Variants in BRD9 observed in about 807,000 individuals in gnomAD.
BRD9 encodes the protein bromodomain-containing protein 9.
BRD9 carries 47 observed loss-of-function variants against 68.7 expected under a neutral mutation model. That is an observed-to-expected ratio of 0.68 (90% CI 0.54 to 0.87). The LOEUF is 0.87. Among genes scored for constraint, BRD9 ranks in the 40% least tolerant of loss-of-function variants. BRD9 has a pLI of 0.00. For missense variants in BRD9, 670 were observed against 748.4 expected (o/e 0.90, Z 1.22); for synonymous variants, 313 against 293.9 (o/e 1.06, Z -0.67).
At chr5:871,283 C>A (rs1297964261) in intron 13 of BRD9, among the ~76,000 whole-genome samples, 2 of 152,248 alleles carry the variant, frequency 1.3e-5, no homozygotes, top group Non-Finnish European at 2.9e-5. Context: ...ACAAGGACAG[C>A]ACCCAGCGGG....
intron 7 of BRD9, 136 bp downstream of exon 7, chr5:886,456 G>C (rs1483636067): frequency 4.3e-6 from 4 of 920,882 alleles, no homozygotes; most frequent in Non-Finnish European, 6.6e-6. Flanking sequence ...CCTCCTGCCA[G>C]AATAAGCTAC....
At chr5:864,615 A>G in intron 15 of BRD9, 47 bp from the exon 16 acceptor site, 14 of 1,544,092 alleles carry the variant, frequency 9.1e-6, no homozygotes, top group Non-Finnish European at 1.2e-5. Flanking sequence ...ACAGACCCGC[A>G]GCACACGTGG....
intron 11 of BRD9, among the ~76,000 whole-genome samples, chr5:876,851 G>A (rs73733917): frequency 0.037 from 5,635 of 152,262 alleles, 332 homozygotes; most frequent in African/African-American, 0.13. Context: ...GGAGGCAACA[G>A]GGAGACTCCG....
At chr5:872,201 T>C (rs942986662) in intron 12 of BRD9, among the ~76,000 whole-genome samples, 2 of 152,394 alleles carry the variant, frequency 1.3e-5, no homozygotes, top group Non-Finnish European at 2.9e-5. Context: ...ATATGCACTC[T>C]ATCATGTGTG....
intron 12 of BRD9, among the ~76,000 whole-genome samples, chr5:874,894 G>A (rs1328398316): frequency 1.3e-5 from 2 of 152,208 alleles, no homozygotes; most frequent in Non-Finnish European, 2.9e-5. Flanking sequence ...GAGATAACAC[G>A]AGCTGTCCTC....
intron 10 of BRD9, 153 bp from the exon 11 acceptor site, chr5:878,640 G>C (rs1329703093): frequency 5.7e-6 from 6 of 1,043,898 alleles, no homozygotes; most frequent in African/African-American, 4.7e-5. Context: ...TCACTCCTGA[G>C]TTTTCCATGT....
chr5:880,848 C>T (rs1314725735), intron 9 of BRD9, among the ~76,000 whole-genome samples: 2 of 152,258 alleles, frequency 1.3e-5, no homozygotes, highest in African/African-American at 4.8e-5. Flanking sequence ...CTCTCGGCAG[C>T]TTTTCAGGAA....
At chr5:891,488 G>C in intron 2 of BRD9, 152 bp downstream of exon 2, 1 of 1,341,934 alleles carries the variant, frequency 7.5e-7, no homozygotes, top group Non-Finnish European at 9.9e-7. Context: ...CTGGAACTGA[G>C]TCTGCGGGCC....
At position 876,119 on chromosome 5, in the gene BRD9, C is replaced by A. The variant is rs149025034; in HGVS notation, c.1365G>T (p.Thr455=). 34 of 1,612,232 alleles carry A rather than the reference C, an allele frequency of 2.1e-5. No individual in the cohort carries two copies. The highest frequency in any genetic ancestry group is 2.8e-5 in the Non-Finnish European group (33 of 1,179,324). ...DQITGGDHSR[T]LFQLKQRRNV... is the part of the protein sequence containing the mutation. ...AGCCCACCTGCTTCAGCTGGAAGAG[C>A]GTCCTAGAGTGGTCTCCGCCTGTGA... Residue 455 remains threonine, a synonymous_variant, in exon 12 of 16, where the codon ACG becomes ACT. Transcript: ENST00000467963.
rs138825150 is a variant in BRD9, at chr5:864,216, AC to A, written c.*251del. On this transcript the variant is annotated 3_prime_UTR_variant, in exon 16 of 16. Coordinates refer to ENST00000467963, the MANE Select transcript of BRD9 (RefSeq NM_023924.5). The stretch of plus-strand genomic sequence containing the variant: ...TGTATGACTCCACTCCTCAGGGTTC[AC>A]GGGGCTGTGTACAGAGACTCTCTCT... 6,410 of 320,834 alleles carry A rather than the reference AC, an allele frequency of 0.02. 389 individuals carry two copies. Among genetic ancestry groups the A allele is most frequent in the African/African-American group, 0.12 (5,605 of 45,352 alleles). The allele number at this position is 320,834 out of a possible 1,614,324, so 19.9% of individuals were successfully genotyped here. A position where few individuals can be genotyped will look rare whatever the true frequency, so the allele number is the denominator to read the frequency against.
At chr5:890,169 G>C (rs1158711037) in intron 3 of BRD9, 1 of 190,070 alleles carries the variant, frequency 5.3e-6, no homozygotes, top group African/African-American at 2.4e-5. Flanking sequence ...CTCCAGCCTA[G>C]GCGACACAGC....
chr5:865,872 G>A (rs1169966031), intron 14 of BRD9: 3 of 306,338 alleles, frequency 9.8e-6, no homozygotes, highest in Non-Finnish European at 1.8e-5. Flanking sequence ...CACCGTGGAG[G>A]GATGTGGCCA....
At position 883,944 on chromosome 5, in the gene BRD9, G is replaced by T. The variant is rs35948803; in HGVS notation, c.960C>A (p.Gly320=). The T allele has an allele frequency of 6.2e-7, 1 of 1,611,896 alleles. No individual in the cohort carries two copies. The highest frequency in any genetic ancestry group is 1.1e-5 in the South Asian group (1 of 91,072). ...ARDRINRFLP[G]GKMGYLKRNG... ...GGTGGCCACAGAGCACTACCTTGCC[G>T]CCTGGGAGGAACCGGTTGATCCTGT... is the stretch of plus-strand genomic sequence containing the variant. Residue 320 remains glycine (G), a synonymous_variant, in exon 8 of 16, where the codon GGC becomes GGA. Transcript: ENST00000467963.
intron 14 of BRD9, among the ~76,000 whole-genome samples, chr5:868,308 T>C (rs1398657091): frequency 6.6e-6 from 1 of 152,188 alleles, no homozygotes; most frequent in South Asian, 2.1e-4. Context: ...TGGTTCTTTA[T>C]AACAGTGTGA....
chr5:888,908 A>C, intron 5 of BRD9, 113 bp downstream of exon 5: 1 of 1,127,266 alleles, frequency 8.9e-7, no homozygotes, highest in Non-Finnish European at 1.2e-6. Context: ...CCGAACACAG[A>C]AACACCTGTG....
chr5:881,083 A>G, intron 9 of BRD9, 24 bp downstream of exon 9: 1 of 1,612,584 alleles, frequency 6.2e-7, no homozygotes. Flanking sequence ...GAGAGCATAA[A>G]GCCAGCCCTG....
At position 883,919 on chromosome 5, in the gene BRD9, G is replaced by A. The variant is rs1391373372; in HGVS notation, c.966+19C>T. ...CTGGGGCCACGTGGCACCCTCTCTC[G>A]GTGGCCACAGAGCACTACCTTGCCG... On this transcript the variant is annotated intron_variant, in intron 8 of 15. Coordinates refer to ENST00000467963, the MANE Select transcript of BRD9 (RefSeq NM_023924.5). 2.2e-5 allele frequency: 35 copies of A among 1,605,716 alleles called. No homozygotes were observed. The highest frequency in any genetic ancestry group is 5.0e-5 in the Admixed American group (3 of 59,742).
At chr5:891,597 C>A (rs1753413884) in intron 2 of BRD9, 43 bp downstream of exon 2, 4 of 1,540,964 alleles carry the variant, frequency 2.6e-6, no homozygotes, top group Non-Finnish European at 3.5e-6. Flanking sequence ...TCCCCACGGG[C>A]TCCTCGTGGG....
intron 14 of BRD9, among the ~76,000 whole-genome samples, chr5:867,461 G>C (rs905448412): frequency 6.6e-6 from 1 of 152,238 alleles, no homozygotes; most frequent in Admixed American, 6.5e-5. Context: ...CCGACAGCTT[G>C]CACCATGCCA....
Sources: allele counts gnomAD v4.1 joint callset (sites outside exome capture counted in the v4.1 genomes callset), GRCh38; gene constraint gnomAD v4.1.1; transcripts MANE v1.5; gene names NCBI Gene and HGNC (gene_info 2026-07-23, HGNC 2026-07-21).